ITSN2: variants seen among roughly 807,000 people sequenced by gnomAD.
The protein encoded by ITSN2 is intersectin-2.
In ITSN2, 156 loss-of-function variants were observed where a neutral mutation model predicts 243.7. The observed-to-expected ratio is 0.64, with a 90% CI of 0.56 to 0.73. The LOEUF (loss-of-function observed/expected upper bound fraction) is 0.73. ITSN2 is among the 30% of genes least tolerant of loss of function. ITSN2 has a pLI of 0.00. For missense variants in ITSN2, 1,801 were observed against 1,996.1 expected (o/e 0.90, Z 1.86); for synonymous variants, 703 against 699.9 (o/e 1.00, Z -0.07).
intron 25 of ITSN2, among the ~76,000 whole-genome samples, chr2:24,251,309 C>CAAAAAAAAAA (rs1553355845): frequency 9.1e-5 from 2 of 22,016 alleles, no homozygotes; most frequent in African/African-American, 2.9e-4. Context: ...AACTCCATCT[C>CAAAAAAAAAA]AAAAAAAAAA....
rs146258261 is a variant in ITSN2, at chr2:24,343,868, T to C, written c.-33-15753A>G. Reference sequence around the variant, plus strand: ...AACTAAGCTTTCCTCTCCAAATAAATGTAATTTATAAGCACATGCTCCACA... The same window carrying C: ...AACTAAGCTTTCCTCTCCAAATAAACGTAATTTATAAGCACATGCTCCACA... On this transcript the variant is annotated intron_variant, in intron 1 of 39. Coordinates refer to ENST00000355123, the MANE Select transcript of ITSN2 (RefSeq NM_006277.3). 1.8e-4 allele frequency among the ~76,000 whole-genome samples: 28 copies of C among 152,306 alleles called. No individual in the cohort carries two copies. In the East Asian group the frequency reaches 5.4e-3, roughly 29 times the overall value.
chr2:24,310,532 G>T lies in ITSN2; in HGVS notation c.513C>A (p.Thr171=). The change falls in exon 6 of 40, where the codon ACC becomes ACA. Residue 171 remains threonine (T), a synonymous_variant. Coordinates refer to ENST00000355123, the MANE Select transcript of ITSN2 (RefSeq NM_006277.3). ...SVSTSSLPNG[T]ASLIQPLPIP... is the part of the protein sequence containing the mutation. ...TGGGTAAAGGCTGAATGAGACTGGC[G>T]GTTCCATTTGGTAATGATGATGTGC... 1 of 1,614,126 alleles carries T rather than the reference G, an allele frequency of 6.2e-7. No individual in the cohort carries two copies. The highest frequency in any genetic ancestry group is 8.5e-7 in the Non-Finnish European group (1 of 1,179,996).
At chr2:24,215,739 A>G (rs967506882) in intron 32 of ITSN2, among the ~76,000 whole-genome samples, 1 of 152,046 alleles carries the variant, frequency 6.6e-6, no homozygotes, top group Non-Finnish European at 1.5e-5. Context: ...AATGAAGGCA[A>G]TTTACAAAAT....
At chr2:24,232,055 A>G (rs1318921348) in intron 29 of ITSN2, among the ~76,000 whole-genome samples, 1 of 152,220 alleles carries the variant, frequency 6.6e-6, no homozygotes, top group Non-Finnish European at 1.5e-5. Context: ...CACTTGGCAA[A>G]TATTTATTGA....
intron 29 of ITSN2, among the ~76,000 whole-genome samples, chr2:24,224,656 C>T (rs879676010): frequency 1.3e-5 from 2 of 149,660 alleles, no homozygotes; most frequent in Non-Finnish European, 3.0e-5. Context: ...TTTTTTGAGA[C>T]GGAGTCTCAC....
intron 22 of ITSN2, 114 bp from the exon 23 acceptor site, chr2:24,258,207 G>A (rs1262826549): frequency 1.4e-6 from 1 of 717,842 alleles, no homozygotes; most frequent in Non-Finnish European, 2.3e-6. Flanking sequence ...GTGTCGTGGT[G>A]ACTTAAGATA....
rs552481818 is a variant in ITSN2 at position 24,225,676 on chromosome 2, G to A, written c.3578-4610C>T. ...GGCTCCTGATGCTCCTGTCCTGTGC[G>A]GTCAGATGAATCCAGACAATGCTGC... On this transcript the variant is annotated intron_variant, in intron 29 of 39. Coordinates refer to ENST00000355123, the MANE Select transcript of ITSN2 (RefSeq NM_006277.3). The surrounding 1 kb of genome is among the most constrained non-coding windows in gnomAD (Gnocchi z 4.2). 1.2e-4 allele frequency among the ~76,000 whole-genome samples: 18 copies of A among 152,180 alleles called. No homozygotes were observed. In the South Asian group the frequency reaches 1.2e-3, roughly 11 times the overall value.
intron 14 of ITSN2, among the ~76,000 whole-genome samples, 173 bp downstream of exon 14, chr2:24,295,491 T>C (rs986561824): frequency 6.6e-6 from 1 of 152,164 alleles, no homozygotes; most frequent in East Asian, 1.9e-4. Context: ...GTATTTTTAG[T>C]AGAGACGGGG....
At chr2:24,257,349 T>C (rs1176819832) in intron 23 of ITSN2, among the ~76,000 whole-genome samples, 1 of 152,016 alleles carries the variant, frequency 6.6e-6, no homozygotes, top group African/African-American at 2.4e-5. Context: ...ATCTATAATT[T>C]TGAGTAGCTT....
chr2:24,254,471 ATACAAG>A, intron 23 of ITSN2, 40 bp from the exon 24 acceptor site: 3 of 1,485,838 alleles, frequency 2.0e-6, no homozygotes, highest in Non-Finnish European at 2.8e-6. Flanking sequence ...AAACAAACAA[ATACAAG>A]CAAAAATAAG....
At chr2:24,320,743 A>C (rs1684473596) in intron 2 of ITSN2, among the ~76,000 whole-genome samples, 2 of 151,640 alleles carry the variant, frequency 1.3e-5, no homozygotes, top group Non-Finnish European at 2.9e-5. Flanking sequence ...CACCAAAAAA[A>C]AAAAAAACAA....
At chr2:24,227,859 T>C (rs918224775) in intron 29 of ITSN2, among the ~76,000 whole-genome samples, 3 of 152,038 alleles carry the variant, frequency 2.0e-5, no homozygotes, top group Non-Finnish European at 2.9e-5. Context: ...GCAGAGGTTG[T>C]TGTGAGCCAA....
chr2:24,261,393 C>T lies in ITSN2; in HGVS notation c.2538-143G>A, dbSNP rs1675835147. The T allele has an allele frequency of 4.5e-6, 4 of 889,208 alleles. No homozygotes were observed. The Admixed American group carries it at 8.4e-5, about 19-fold the overall frequency. 55.1% of individuals were successfully genotyped at this position (889,208 alleles called of 1,614,324 possible). On this transcript the variant is annotated intron_variant, in intron 21 of 39. Coordinates refer to ENST00000355123, the MANE Select transcript of ITSN2 (RefSeq NM_006277.3). ...GAAATAATTATTAACAAACTACTGACCCATGTTTTCACTTACTAAATTTCA... is the reference window on the plus strand; with the variant it reads ...GAAATAATTATTAACAAACTACTGATCCATGTTTTCACTTACTAAATTTCA...
At position 24,205,379 on chromosome 2, in the gene ITSN2, G is replaced by A. The variant is rs985305853; in HGVS notation, c.4679-82C>T. On this transcript the variant is annotated intron_variant, in intron 37 of 39. Coordinates refer to ENST00000355123, the MANE Select transcript of ITSN2 (RefSeq NM_006277.3). Reference sequence around the variant, plus strand: ...CTTTCAAACCAACCATAACACTACCGGCTCCCTGTCCCCATCTGCCACTGC... The same window carrying A: ...CTTTCAAACCAACCATAACACTACCAGCTCCCTGTCCCCATCTGCCACTGC... The A allele has an allele frequency of 2.0e-5, 24 of 1,183,208 alleles. 1 individual carries two copies. Among genetic ancestry groups the A allele is most frequent in the Middle Eastern group, 2.3e-4 (1 of 4,390 alleles). 73.3% of individuals were successfully genotyped at this position (1,183,208 alleles called of 1,614,324 possible).
intron 29 of ITSN2, among the ~76,000 whole-genome samples, chr2:24,224,827 G>A (rs1171518544): frequency 2.0e-5 from 3 of 152,056 alleles, no homozygotes; most frequent in African/African-American, 4.8e-5. Context: ...ACGGGGTTTC[G>A]CCATGTTGGC....
chr2:24,289,403 T>G (rs1679950595), intron 15 of ITSN2, among the ~76,000 whole-genome samples: 1 of 152,220 alleles, frequency 6.6e-6, no homozygotes, highest in Non-Finnish European at 1.5e-5. Context: ...ATCTCTTTTT[T>G]GAATAGTTAT....
intron 1 of ITSN2, among the ~76,000 whole-genome samples, chr2:24,342,504 C>T (rs913521375): frequency 3.3e-5 from 5 of 149,348 alleles, no homozygotes; most frequent in African/African-American, 1.2e-4. Flanking sequence ...AGACAACAGT[C>T]CAAAGGGCAG....
intron 20 of ITSN2, among the ~76,000 whole-genome samples, chr2:24,262,117 T>C (rs1675977686): frequency 6.6e-6 from 1 of 152,184 alleles, no homozygotes; most frequent in Admixed American, 6.5e-5. Context: ...TTATACTGCT[T>C]TTTCTTGAAT....
At chr2:24,252,803 TCTCTATAGATAAATACA>T (rs1429648319) in intron 24 of ITSN2, among the ~76,000 whole-genome samples, 1 of 152,218 alleles carries the variant, frequency 6.6e-6, no homozygotes, top group Non-Finnish European at 1.5e-5. Flanking sequence ...GATAATAGTA[TCTCTATAGATAAATACA>T]CTGAGGCTTA....
Sources: allele counts gnomAD v4.1 joint callset (sites outside exome capture counted in the v4.1 genomes callset), GRCh38; gene constraint gnomAD v4.1.1; non-coding constraint Gnocchi (gnomAD v3.1); transcripts MANE v1.5; gene names NCBI Gene and HGNC (gene_info 2026-07-23, HGNC 2026-07-21).